The following GLRA2 variants were observed in gnomAD, a reference collection of about 807,000 sequenced individuals.
The protein encoded by GLRA2 is glycine receptor subunit alpha-2.
GLRA2 carries 11 observed loss-of-function variants against 31.6 expected under a neutral mutation model. That is an observed-to-expected ratio of 0.35 (90% CI 0.22 to 0.58). The LOEUF (loss-of-function observed/expected upper bound fraction) is 0.58. Ranked by LOEUF, GLRA2 falls within the 20% of genes least tolerant of loss-of-function variation. GLRA2 has a pLI of 0.84. For missense variants in GLRA2, 212 were observed against 351.8 expected (o/e 0.60, Z 3.18); for synonymous variants, 132 against 134.0 (o/e 0.99, Z 0.10).
In GLRA2 at chrX:14,694,741, G is replaced by A. The variant is rs761323130; in HGVS notation, c.1080+3882G>A. 6.7e-4 allele frequency among the ~76,000 whole-genome samples: 75 copies of A among 112,413 alleles called. 1 individual carries two copies. Among genetic ancestry groups the A allele is most frequent in the African/African-American group, 2.0e-3 (61 of 31,058 alleles). ...GGCACTGTGTAAATCCTTAGAATAC[G>A]TTGCTTCACAGGACAGAAAAAAATG... On this transcript the variant is annotated intron_variant, in intron 8 of 8. Transcript: ENST00000218075.
chrX:14,546,597 G>C, intron 2 of GLRA2, among the ~76,000 whole-genome samples: 1 of 99,254 alleles, frequency 1.0e-5, no homozygotes, highest in African/African-American at 3.4e-5. Flanking sequence ...TACACACGTG[G>C]GATTTTTTTT....
chrX:14,590,901 C>A (rs2090138428), intron 4 of GLRA2, among the ~76,000 whole-genome samples: 1 of 111,650 alleles, frequency 9.0e-6, no homozygotes, highest in Non-Finnish European at 1.9e-5. Context: ...TAGAGGCGAG[C>A]AAGGTCGGGA....
At chrX:14,611,539 A>G (rs1367537724) in intron 7 of GLRA2, among the ~76,000 whole-genome samples, 1 of 112,988 alleles carries the variant, frequency 8.9e-6, no homozygotes, top group Non-Finnish European at 1.9e-5. Flanking sequence ...TTTTGTAAGT[A>G]TGATAATTAT....
At chrX:14,623,553 G>C (rs1248345471) in intron 7 of GLRA2, among the ~76,000 whole-genome samples, 1 of 111,422 alleles carries the variant, frequency 9.0e-6, no homozygotes, top group Non-Finnish European at 1.9e-5. Context: ...AGAGTTTTTA[G>C]CATGAAGGGC....
At chrX:14,475,043 A>G in the GLRA2 span, among the ~76,000 whole-genome samples, 1 of 111,545 alleles carries the variant, frequency 9.0e-6, no homozygotes, top group East Asian at 2.8e-4. Flanking sequence ...AGGAGTGGAC[A>G]CCTTTTTCTA....
At chrX:14,460,266 C>A in the GLRA2 span, among the ~76,000 whole-genome samples, 1 of 111,729 alleles carries the variant, frequency 9.0e-6, no homozygotes, top group Non-Finnish European at 1.9e-5. Flanking sequence ...CTACTGAATT[C>A]GGTTTGCCAG....
chrX:14,708,945 AAGAAAAAAAAAAGAG>A (rs1383200634), intron 8 of GLRA2, among the ~76,000 whole-genome samples: 2 of 110,445 alleles, frequency 1.8e-5, no homozygotes, highest in African/African-American at 6.8e-5. Flanking sequence ...TCCACACAAA[AAGAAAAAAAAAAGAG>A]AGAGAGACAG....
At chrX:14,566,775 C>G (rs186837682) in intron 2 of GLRA2, among the ~76,000 whole-genome samples, 12 of 111,385 alleles carry the variant, frequency 1.1e-4, no homozygotes, top group Non-Finnish European at 5.7e-5. Context: ...CTCTCAGTTA[C>G]AAAATGACCA....
At chrX:14,580,301 C>A (rs1351419879) in intron 3 of GLRA2, among the ~76,000 whole-genome samples, 2 of 112,511 alleles carry the variant, frequency 1.8e-5, no homozygotes, top group Non-Finnish European at 3.8e-5. Flanking sequence ...TCACACGTAG[C>A]AATAGTGGAT....
At chrX:14,540,028 G>A (rs2089379983) in intron 2 of GLRA2, among the ~76,000 whole-genome samples, 1 of 111,398 alleles carries the variant, frequency 9.0e-6, no homozygotes, top group Non-Finnish European at 1.9e-5. Context: ...AATAATTAGT[G>A]ACTAGTCACC....
chrX:14,608,926 G>A (rs1451247386), intron 6 of GLRA2, 65 bp from the exon 7 acceptor site: 5 of 508,736 alleles, frequency 9.8e-6, no homozygotes, highest in East Asian at 3.6e-5. Flanking sequence ...TTTAAACAAC[G>A]TGGGATAATG....
At chrX:14,627,682 T>A (rs1384699871) in intron 7 of GLRA2, among the ~76,000 whole-genome samples, 2 of 111,518 alleles carry the variant, frequency 1.8e-5, no homozygotes, top group Non-Finnish European at 3.8e-5. Flanking sequence ...TGTTTCCTAC[T>A]CACTTCCTGA....
the GLRA2 span, among the ~76,000 whole-genome samples, chrX:14,489,183 G>T: frequency 8.9e-6 from 1 of 111,826 alleles, no homozygotes; most frequent in African/African-American, 3.2e-5. Flanking sequence ...AATGGTTTTT[G>T]AATTGATAGT....
chrX:14,663,458 A>G (rs2091010882), intron 7 of GLRA2, among the ~76,000 whole-genome samples: 1 of 110,396 alleles, frequency 9.1e-6, no homozygotes. Flanking sequence ...TGTATGAAAG[A>G]AAAACTTCTA....
chrX:14,687,802 G>A (rs994165518), intron 7 of GLRA2, among the ~76,000 whole-genome samples: 2 of 112,349 alleles, frequency 1.8e-5, no homozygotes, highest in Non-Finnish European at 3.8e-5. Flanking sequence ...CTCTCAACTC[G>A]TCAAAGTCAT....
the GLRA2 span, among the ~76,000 whole-genome samples, chrX:14,513,456 T>C: frequency 2.7e-5 from 3 of 111,209 alleles, no homozygotes; most frequent in East Asian, 5.6e-4. Context: ...CACAGCAAAA[T>C]AATCAGCAGA....
chrX:14,616,177 A>G (rs762443131), intron 7 of GLRA2, among the ~76,000 whole-genome samples: 1 of 112,006 alleles, frequency 8.9e-6, no homozygotes, highest in African/African-American at 3.2e-5. Context: ...ACATGGCAAA[A>G]TAAGATTAAA....
chrX:14,716,369 C>T (rs1042620778), intron 8 of GLRA2, among the ~76,000 whole-genome samples: 2 of 111,702 alleles, frequency 1.8e-5, no homozygotes, highest in African/African-American at 6.5e-5. Flanking sequence ...TCAACCAAAG[C>T]CTTTCAGATT....
intron 7 of GLRA2, 21 bp from the exon 8 acceptor site, chrX:14,690,689 G>A (rs1227050118): frequency 1.9e-6 from 2 of 1,033,453 alleles, no homozygotes; most frequent in Admixed American, 2.2e-5. Context: ...GTGTGTGTGT[G>A]TGTCTCTCTC....
Sources: gnomAD v4.1 joint callset for allele counts (sites outside exome capture counted in the v4.1 genomes callset) on GRCh38, gnomAD v4.1.1 for gene constraint, MANE v1.5 for transcripts, NCBI Gene and HGNC (gene_info 2026-07-23, HGNC 2026-07-21) for gene names.